Variants in STK38L observed in about 807,000 individuals in gnomAD.
STK38L encodes serine/threonine-protein kinase 38-like.
STK38L carries 28 observed loss-of-function variants against 59.7 expected under a neutral mutation model. The ratio of observed to expected loss-of-function variants is 0.47; its 90% CI spans 0.35 to 0.64. The LOEUF (loss-of-function observed/expected upper bound fraction) is 0.64, where lower values mean the gene tolerates loss of function less well. Ranked by LOEUF, STK38L falls within the 30% of genes least tolerant of loss-of-function variation. The probability of loss-of-function intolerance (pLI) is 0.01; values close to 1 mark genes in which losing one functional copy is unlikely to be tolerated. For missense variants in STK38L, 314 were observed against 555.8 expected (o/e 0.56, Z 4.37); for synonymous variants, 162 against 176.8 (o/e 0.92, Z 0.66).
At chr12:27,274,586 T>C (rs1488093046) in intron 1 of STK38L, among the ~76,000 whole-genome samples, 2 of 152,236 alleles carry the variant, frequency 1.3e-5, no homozygotes, top group African/African-American at 4.8e-5. Context: ...ATGTGTTTAA[T>C]AATATATCAT....
At chr12:27,249,414 T>C (rs2136599459) in intron 1 of STK38L, among the ~76,000 whole-genome samples, 1 of 152,350 alleles carries the variant, frequency 6.6e-6, no homozygotes, top group South Asian at 2.1e-4. Context: ...TTTGGTTCAC[T>C]GCAACCCCCG....
rs1456706439 is a variant in STK38L, at chr12:27,308,479, A to C, written c.309+18A>C. 6.5e-7 allele frequency: 1 copy of C among 1,550,064 alleles called. No individual in the cohort carries two copies. Among genetic ancestry groups the C allele is most frequent in the African/African-American group, 1.4e-5 (1 of 71,714 alleles). On this transcript the variant is annotated intron_variant, in intron 4 of 13. Coordinates refer to ENST00000389032, the MANE Select transcript of STK38L (RefSeq NM_015000.4). The surrounding 1 kb of genome is among the most constrained non-coding windows in gnomAD (Gnocchi z 4.5). ...TTGGAGAGGTGTGCTTCTTTTTAAA[A>C]GTCACTACTGCTGCAAATATATATC...
intron 12 of STK38L, among the ~76,000 whole-genome samples, chr12:27,320,780 ATTTTTTTTT>A (rs71437393): frequency 7.7e-6 from 1 of 130,060 alleles, no homozygotes; most frequent in Admixed American, 7.8e-5. Context: ...GCAGCTAGTA[ATTTTTTTTT>A]TTTTTTTTTT....
chr12:27,248,869 A>G (rs930274836), intron 1 of STK38L, among the ~76,000 whole-genome samples: 1 of 152,168 alleles, frequency 6.6e-6, no homozygotes, highest in African/African-American at 2.4e-5. Context: ...TTTTTTTGAA[A>G]CATACCTTAA....
chr12:27,280,012 A>G (rs1943619860), intron 1 of STK38L, among the ~76,000 whole-genome samples: 1 of 152,186 alleles, frequency 6.6e-6, no homozygotes, highest in African/African-American at 2.4e-5. Flanking sequence ...CCTACTTTAT[A>G]GAACTGTAAA....
intron 1 of STK38L, among the ~76,000 whole-genome samples, chr12:27,294,684 C>G (rs1446906063): frequency 6.6e-6 from 1 of 151,712 alleles, no homozygotes; most frequent in Non-Finnish European, 1.5e-5. Context: ...TATACACGAT[C>G]CCTGTTTCAC....
intron 1 of STK38L, among the ~76,000 whole-genome samples, chr12:27,268,915 T>G (rs1437029896): frequency 2.0e-5 from 3 of 152,244 alleles, no homozygotes; most frequent in Non-Finnish European, 4.4e-5. Flanking sequence ...CATAAATGTC[T>G]TCTTTTGAGA....
chr12:27,320,470 G>A, intron 12 of STK38L, among the ~76,000 whole-genome samples: 1 of 105,922 alleles, frequency 9.4e-6, no homozygotes. Context: ...TTTTTGTAGA[G>A]ATGGGGTTTC....
chr12:27,299,513 G>A (rs1944110974), intron 2 of STK38L, among the ~76,000 whole-genome samples: 1 of 152,200 alleles, frequency 6.6e-6, no homozygotes, highest in Admixed American at 6.5e-5. Context: ...TAAATGGTAA[G>A]TAGGTGGATA....
chr12:27,322,522 A>G lies in STK38L; in HGVS notation c.*67A>G. The G allele has an allele frequency of 1.3e-6, 2 of 1,570,854 alleles. No homozygotes were observed. Among genetic ancestry groups the G allele is most frequent in the Non-Finnish European group, 1.7e-6 (2 of 1,162,954 alleles). On this transcript the variant is annotated 3_prime_UTR_variant, in exon 14 of 14. Coordinates refer to ENST00000389032, the MANE Select transcript of STK38L (RefSeq NM_015000.4). The stretch of plus-strand genomic sequence containing the variant: ...CTGCATCACCAGGCTTGCTTGGCGT[A>G]GATAACAATACACTGAAATACTCCT...
At chr12:27,272,853 G>A (rs531126060) in intron 1 of STK38L, among the ~76,000 whole-genome samples, 40 of 152,214 alleles carry the variant, frequency 2.6e-4, no homozygotes, top group African/African-American at 9.4e-4. Context: ...GTGTGGGTTG[G>A]GAACAGAAAA....
Position 27,302,126 on chromosome 12 carries a change from C to G in STK38L, c.135-11C>G. On this transcript the variant is annotated splice_polypyrimidine_tract_variant and intron_variant, in intron 2 of 13. Coordinates refer to ENST00000389032, the MANE Select transcript of STK38L (RefSeq NM_015000.4). The stretch of plus-strand genomic sequence containing the variant: ...TGTATTTAAAATTTAATTTTTTTTT[C>G]CTTTGAAAAGGCAGAAGAAATTAGA... The G allele has an allele frequency of 2.5e-6, 4 of 1,575,726 alleles. No homozygotes were observed. The highest frequency in any genetic ancestry group is 3.4e-6 in the Non-Finnish European group (4 of 1,161,908).
At position 27,253,332 on chromosome 12, in the gene STK38L, G is replaced by A. The variant is rs929074878; in HGVS notation, c.-12+9000G>A. 3.3e-5 allele frequency among the ~76,000 whole-genome samples: 5 copies of A among 152,182 alleles called. No homozygotes were observed. The South Asian group carries it at 1.0e-3, about 32-fold the overall frequency. ...GTAGTGTATATGGAGTGAATTCAAGGAAAGAGAGTCCAGAAATGGGAAGAC... is the reference window on the plus strand; with the variant it reads ...GTAGTGTATATGGAGTGAATTCAAGAAAAGAGAGTCCAGAAATGGGAAGAC... On this transcript the variant is annotated intron_variant, in intron 1 of 13. Coordinates refer to ENST00000389032, the MANE Select transcript of STK38L (RefSeq NM_015000.4).
intron 3 of STK38L, 56 bp downstream of exon 3, chr12:27,302,244 AT>A: frequency 7.8e-7 from 1 of 1,278,584 alleles, no homozygotes; most frequent in Non-Finnish European, 1.1e-6. Flanking sequence ...CTTTTCATTC[AT>A]TTGACATCAG....
At chr12:27,318,084 C>T (rs1044800333) in intron 11 of STK38L, 65 bp downstream of exon 11, 13 of 1,588,090 alleles carry the variant, frequency 8.2e-6, no homozygotes, top group Admixed American at 1.8e-5. Context: ...CTAAAAGACT[C>T]ATTTCACTTT....
chr12:27,281,125 G>A lies in STK38L; in HGVS notation c.-11-16585G>A, dbSNP rs1447946120. 8.8e-4 allele frequency among the ~76,000 whole-genome samples: 2 copies of A among 2,260 alleles called. 1 individual carries two copies. Among genetic ancestry groups the A allele is most frequent in the Non-Finnish European group, 2.6e-3 (2 of 756 alleles). The allele number at this position is 2,260 out of a possible 152,430, so 1.5% of individuals were successfully genotyped here. ...TTTTGAGACGGAGTCTCGCTCTGTC[G>A]CCCAGGCTGGAGTGCAGTGGCGGGA... On this transcript the variant is annotated intron_variant, in intron 1 of 13. Transcript: ENST00000389032.
chr12:27,249,743 G>T (rs1591840047), intron 1 of STK38L, among the ~76,000 whole-genome samples: 2 of 152,266 alleles, frequency 1.3e-5, no homozygotes, highest in South Asian at 4.1e-4. Flanking sequence ...TATACAGAAG[G>T]CTTCCTGTTT....
intron 1 of STK38L, among the ~76,000 whole-genome samples, chr12:27,248,548 G>C (rs552684656): frequency 1.3e-4 from 20 of 152,316 alleles, no homozygotes; most frequent in African/African-American, 4.6e-4. Context: ...TGAGCGGTGG[G>C]AGAGGTATTG....
In STK38L at chr12:27,322,304, T is replaced by C. The variant is rs769207787; in HGVS notation, c.1268-24T>C. ...AGATGATGGCATTTCACTAATGAAA[T>C]TCCTTTATTTTTTCTCTTTCTAGTG... On this transcript the variant is annotated intron_variant, in intron 13 of 13. Transcript: ENST00000389032. 9.3e-6 allele frequency: 15 copies of C among 1,613,038 alleles called. No homozygotes were observed. In the Admixed American group the frequency reaches 2.5e-4, roughly 27 times the overall value.
Sources: allele counts gnomAD v4.1 joint callset (sites outside exome capture counted in the v4.1 genomes callset), GRCh38; gene constraint gnomAD v4.1.1; non-coding constraint Gnocchi (gnomAD v3.1); transcripts MANE v1.5; gene names NCBI Gene and HGNC (gene_info 2026-07-23, HGNC 2026-07-21).